Variants in RASL12 observed in about 807,000 individuals in gnomAD.
RASL12 encodes ras-like protein family member 12.
In RASL12, 16 loss-of-function variants were observed where a neutral mutation model predicts 22.9. The ratio of observed to expected loss-of-function variants is 0.70; its 90% CI spans 0.47 to 1.06. The LOEUF is 1.06. Among genes scored for constraint, RASL12 ranks in the 50% least tolerant of loss-of-function variants. RASL12 has a pLI of 0.00. For synonymous variants in RASL12, 159 were observed against 152.2 expected (o/e 1.04, Z -0.33); for missense variants, 306 against 353.1 (o/e 0.87, Z 1.07).
rs1233295936 is a variant in RASL12 at position 65,064,048 on chromosome 15, C to T, written c.160+1169G>A. Among the ~76,000 whole-genome samples, 3 of 152,210 alleles carry T rather than the reference C, an allele frequency of 2.0e-5. No individual in the cohort carries two copies. The East Asian group carries it at 5.8e-4, about 29-fold the overall frequency. On this transcript the variant is annotated intron_variant, in intron 2 of 4. Coordinates refer to ENST00000220062, the MANE Select transcript of RASL12 (RefSeq NM_016563.4). ...CCATTTTCTAAAGGCTAAGATCATC[C>T]AGACACCTTATGGCTCTCAGTGAAC...
At chr15:65,066,730 G>A (rs1019063159) in intron 1 of RASL12, among the ~76,000 whole-genome samples, 1 of 152,230 alleles carries the variant, frequency 6.6e-6, no homozygotes, top group African/African-American at 2.4e-5. Context: ...AATCCCTTCT[G>A]TAGGAAAACC....
At chr15:65,051,850 G>A (rs2086657765), downstream of RASL12, among the ~76,000 whole-genome samples, 1 of 152,196 alleles carries the variant, frequency 6.6e-6, no homozygotes, top group South Asian at 2.1e-4. Flanking sequence ...GGCATGACCT[G>A]GAGGAGTGTA....
downstream of RASL12, chr15:65,049,787 T>C (rs1005325506): frequency 3.3e-5 from 14 of 421,544 alleles, no homozygotes; most frequent in African/African-American, 2.7e-4. Context: ...CTGGGTTCGT[T>C]CGGGTCGTTT....
rs986651443 is a variant in RASL12, at chr15:65,053,487, C to T, written c.*1412G>A. The T allele has an allele frequency of 1.9e-5, 21 of 1,129,714 alleles. No individual in the cohort carries two copies. Among genetic ancestry groups the T allele is most frequent in the Middle Eastern group, 3.9e-4 (1 of 2,544 alleles). 70.0% of individuals were successfully genotyped at this position (1,129,714 alleles called of 1,614,324 possible). A position where few individuals can be genotyped will look rare whatever the true frequency, so the allele number is the denominator to read the frequency against. On this transcript the variant is annotated 3_prime_UTR_variant, in exon 5 of 5. Coordinates refer to ENST00000220062, the MANE Select transcript of RASL12 (RefSeq NM_016563.4). ...CAAAATCCGTAGCTGGCCTGTGGGT[C>T]GGGAAGCCTGTAGGACTGCAAGCAT...
chr15:65,062,234 G>C (rs2086817814), intron 2 of RASL12, among the ~76,000 whole-genome samples: 1 of 152,168 alleles, frequency 6.6e-6, no homozygotes, highest in African/African-American at 2.4e-5. Flanking sequence ...GCGGGTCTCA[G>C]CACAGGCAAA....
At position 65,053,662 on chromosome 15, in the gene RASL12, C is replaced by A. The variant is rs957167084; in HGVS notation, c.*1237G>T. The A allele has an allele frequency of 3.4e-5, 34 of 989,192 alleles. No homozygotes were observed. The highest frequency in any genetic ancestry group is 4.1e-5 in the Non-Finnish European group (34 of 832,442). The allele number at this position is 989,192 out of a possible 1,614,324, so 61.3% of individuals were successfully genotyped here. A position where few individuals can be genotyped will look rare whatever the true frequency, so the allele number is the denominator to read the frequency against. The stretch of plus-strand genomic sequence containing the variant: ...AGGAGCAGGCTTCCAGGCCCAGAAT[C>A]CCCTTCCCAATCCTTCCACCCACCA... On this transcript the variant is annotated 3_prime_UTR_variant, in exon 5 of 5. Coordinates refer to ENST00000220062, the MANE Select transcript of RASL12 (RefSeq NM_016563.4).
intron 4 of RASL12, among the ~76,000 whole-genome samples, chr15:65,057,836 C>T (rs916005038): frequency 2.6e-5 from 4 of 152,100 alleles, no homozygotes; most frequent in African/African-American, 9.7e-5. Flanking sequence ...AGGGTGAGTC[C>T]AAGAGAATCC....
At chr15:65,070,740 C>G (rs1728554036), upstream of RASL12, among the ~76,000 whole-genome samples, 1 of 152,214 alleles carries the variant, frequency 6.6e-6, no homozygotes, top group Non-Finnish European at 1.5e-5. Context: ...TAAAGCTAAG[C>G]TTTTGGTACC....
intron 1 of RASL12, among the ~76,000 whole-genome samples, chr15:65,074,602 G>A (rs560168325): frequency 4.6e-5 from 7 of 151,954 alleles, no homozygotes; most frequent in African/African-American, 1.7e-4. Context: ...TCCCCATGTC[G>A]GCCAGGCTGG....
At chr15:65,062,057 G>C (rs1346734375) in intron 2 of RASL12, among the ~76,000 whole-genome samples, 1 of 150,154 alleles carries the variant, frequency 6.7e-6, no homozygotes, top group Non-Finnish European at 1.5e-5. Context: ...CTCCAGCCTG[G>C]GTGACCAAAA....
At chr15:65,052,660 G>A (rs962815700), downstream of RASL12, among the ~76,000 whole-genome samples, 1 of 152,082 alleles carries the variant, frequency 6.6e-6, no homozygotes, top group Non-Finnish European at 1.5e-5. Flanking sequence ...GCCTCCCAAA[G>A]TGCTGGGATT....
intron 3 of RASL12, among the ~76,000 whole-genome samples, 162 bp from the exon 4 acceptor site, chr15:65,058,779 G>A (rs2086767302): frequency 6.6e-6 from 1 of 152,258 alleles, no homozygotes; most frequent in African/African-American, 2.4e-5. Context: ...GGCTTGGTGT[G>A]AAAGGAGACA....
downstream of RASL12, chr15:65,051,606 G>T (rs1029168379): frequency 1.2e-6 from 2 of 1,613,052 alleles, no homozygotes; most frequent in Non-Finnish European, 1.7e-6. Context: ...AGGCAAGCAG[G>T]TGAGGAGCTG....
downstream of RASL12, chr15:65,049,334 A>G (rs565980123): frequency 2.0e-5 from 3 of 150,600 alleles, no homozygotes; most frequent in Non-Finnish European, 1.5e-5. Flanking sequence ...GTCCAAAAAA[A>G]AAAGAAAAAG....
Position 65,054,313 on chromosome 15 carries a change from C to T in RASL12, c.*586G>A, listed in dbSNP as rs1193673874. The T allele has an allele frequency of 1.0e-6, 1 of 985,708 alleles. No homozygotes were observed. The highest frequency in any genetic ancestry group is 1.7e-5 in the African/African-American group (1 of 57,240). 61.1% of individuals were successfully genotyped at this position (985,708 alleles called of 1,614,324 possible). On this transcript the variant is annotated 3_prime_UTR_variant, in exon 5 of 5. Coordinates refer to ENST00000220062, the MANE Select transcript of RASL12 (RefSeq NM_016563.4). Reference sequence around the variant, plus strand: ...GTGTTGGAAATACCCCTTCCTGGGGCTTCTGTCCATTGGATTATTTTAACT... The same window carrying T: ...GTGTTGGAAATACCCCTTCCTGGGGTTTCTGTCCATTGGATTATTTTAACT...
At chr15:65,053,282 C>T, downstream of RASL12, 2 of 1,428,036 alleles carry the variant, frequency 1.4e-6, no homozygotes, top group Non-Finnish European at 1.8e-6. Context: ...CTTTTTCTTT[C>T]TTTCTTTTTT....
chr15:65,067,512 A>G (rs1353555219), intron 1 of RASL12, among the ~76,000 whole-genome samples: 1 of 152,176 alleles, frequency 6.6e-6, no homozygotes, highest in Non-Finnish European at 1.5e-5. Flanking sequence ...GGCAGGGAAC[A>G]GAAGACAGAG....
chr15:65,060,915 T>A (rs1243012001), intron 2 of RASL12, among the ~76,000 whole-genome samples: 1 of 152,166 alleles, frequency 6.6e-6, no homozygotes, highest in Non-Finnish European at 1.5e-5. Flanking sequence ...GATAAATAGC[T>A]GCTCTTATGC....
At chr15:65,074,140 A>G (rs2086949382) in intron 1 of RASL12, among the ~76,000 whole-genome samples, 1 of 152,240 alleles carries the variant, frequency 6.6e-6, no homozygotes, top group Non-Finnish European at 1.5e-5. Context: ...CAGAAGCCCA[A>G]GCCAAATTAA....
Sources: allele counts gnomAD v4.1 joint callset (sites outside exome capture counted in the v4.1 genomes callset), GRCh38; gene constraint gnomAD v4.1.1; transcripts MANE v1.5; gene names NCBI Gene and HGNC (gene_info 2026-07-23, HGNC 2026-07-21).